COMMD6: variants seen among roughly 807,000 people sequenced by gnomAD.
COMMD6 encodes COMM domain-containing protein 6.
In COMMD6, 11 loss-of-function variants were observed where a neutral mutation model predicts 13.4. That is an observed-to-expected ratio of 0.82 (90% CI 0.52 to 1.36). The LOEUF (loss-of-function observed/expected upper bound fraction) is 1.36. Ranked by LOEUF, COMMD6 falls within the 40% of genes most tolerant of loss-of-function variation. The pLI is 0.00. For synonymous variants in COMMD6, 43 were observed against 36.5 expected (o/e 1.18, Z -0.64); for missense variants, 124 against 102.4 (o/e 1.21, Z -0.91).
At chr13:75,541,621 C>T (rs565427417), upstream of COMMD6, among the ~76,000 whole-genome samples, 11 of 151,746 alleles carry the variant, frequency 7.2e-5, no homozygotes, top group African/African-American at 1.9e-4. Context: ...GTTCATAAGG[C>T]GTAGAGTTGT....
intron 1 of COMMD6, 38 bp downstream of exon 1, chr13:75,537,726 A>T (rs367689969): frequency 6.2e-7 from 1 of 1,613,912 alleles, no homozygotes; most frequent in South Asian, 1.1e-5. Context: ...CTTGCTCCAG[A>T]GCCTCGCTGC....
chr13:75,542,145 T>C (rs559710396), upstream of COMMD6, among the ~76,000 whole-genome samples: 117 of 152,324 alleles, frequency 7.7e-4, no homozygotes, highest in African/African-American at 2.7e-3. Flanking sequence ...AAGTATTTTT[T>C]GTGTAAGGGT....
chr13:75,529,443 C>T (rs571210182), intron 3 of COMMD6, among the ~76,000 whole-genome samples: 2 of 149,426 alleles, frequency 1.3e-5, no homozygotes, highest in South Asian at 4.2e-4. Context: ...ATGGCGTGAA[C>T]CCAGGAGGCA....
chr13:75,531,876 A>G (rs2030490387), intron 2 of COMMD6, among the ~76,000 whole-genome samples: 1 of 152,228 alleles, frequency 6.6e-6, no homozygotes, highest in South Asian at 2.1e-4. Flanking sequence ...AACTTTTTGA[A>G]TATGTACACA....
intron 3 of COMMD6, among the ~76,000 whole-genome samples, chr13:75,526,999 C>T (rs7321787): frequency 0.77 from 116,968 of 152,126 alleles, 45,225 homozygotes; most frequent in African/African-American, 0.84. Context: ...AGTAAAGGAC[C>T]GCATTTCAGT....
upstream of COMMD6, among the ~76,000 whole-genome samples, chr13:75,540,866 T>G (rs1201946660): frequency 6.6e-6 from 1 of 152,204 alleles, no homozygotes; most frequent in Non-Finnish European, 1.5e-5. Context: ...TCTGATCTCA[T>G]GAGCATTATG....
At chr13:75,527,812 C>G in intron 3 of COMMD6, 1 of 1,502,896 alleles carries the variant, frequency 6.7e-7, no homozygotes, top group Non-Finnish European at 8.9e-7. Flanking sequence ...GTCAAACTCA[C>G]AGAAGCAGAA....
upstream of COMMD6, chr13:75,537,947 A>G: frequency 1.3e-6 from 1 of 780,556 alleles, no homozygotes; most frequent in Non-Finnish European, 2.0e-6. Context: ...TATGTGACTC[A>G]TATTTTTTCT....
rs548295744 is a variant in COMMD6 at position 75,548,479 on chromosome 13, A to G, written n.106+844T>C. On this transcript the variant is annotated intron_variant and non_coding_transcript_variant, in intron 1 of 2. Transcript: ENST00000460675. ...CTGAATTTCCTCTATTAGGTGCAGA[A>G]TAGTAATATGCACTCTTCCCCAGGT... Among the ~76,000 whole-genome samples the G allele has an allele frequency of 7.1e-4, 108 of 152,304 alleles. 1 individual carries two copies. The highest frequency in any genetic ancestry group is 5.4e-4 in the Non-Finnish European group (37 of 68,030).
chr13:75,533,055 C>T (rs560339004), intron 2 of COMMD6, among the ~76,000 whole-genome samples: 5 of 151,708 alleles, frequency 3.3e-5, no homozygotes, highest in East Asian at 4.0e-4. Context: ...CTCAGCCACC[C>T]GAGTAGCTGG....
chr13:75,542,784 C>T (rs181120357), upstream of COMMD6, among the ~76,000 whole-genome samples: 1 of 152,264 alleles, frequency 6.6e-6, no homozygotes, highest in East Asian at 1.9e-4. Context: ...GAGTCAGAGA[C>T]AGAGAGGGAG....
rs190542091 is a variant in COMMD6 at position 75,534,828 on chromosome 13, A to C, written c.54+2836T>G. On this transcript the variant is annotated intron_variant, in intron 2 of 3. Coordinates refer to ENST00000682242, the MANE Select transcript of COMMD6 (RefSeq NM_203495.4). ...CTAGTAATATAAAAACATGACTATA[A>C]AAACTGTCTATATAGATAAAACTGG... Among the ~76,000 whole-genome samples the C allele has an allele frequency of 3.7e-3, 562 of 152,362 alleles. 6 individuals carry two copies. The highest frequency in any genetic ancestry group is 0.013 in the African/African-American group (536 of 41,590).
chr13:75,544,575 C>G (rs2030873651), intron 1 of COMMD6, among the ~76,000 whole-genome samples: 1 of 151,954 alleles, frequency 6.6e-6, no homozygotes, highest in Non-Finnish European at 1.5e-5. Context: ...CCAACCTGGC[C>G]AACATGGTGA....
chr13:75,534,528 A>G (rs1296601437), intron 2 of COMMD6, among the ~76,000 whole-genome samples: 1 of 152,252 alleles, frequency 6.6e-6, no homozygotes, highest in Non-Finnish European at 1.5e-5. Context: ...TTTAAAAATA[A>G]AAGAATATAA....
chr13:75,537,072 T>C (rs904156424), intron 2 of COMMD6, among the ~76,000 whole-genome samples: 2 of 152,206 alleles, frequency 1.3e-5, no homozygotes, highest in African/African-American at 4.8e-5. Flanking sequence ...CTTTCTTACA[T>C]TTTGTATGGA....
chr13:75,539,042 C>T (rs962570582), upstream of COMMD6, among the ~76,000 whole-genome samples: 2 of 152,134 alleles, frequency 1.3e-5, no homozygotes, highest in Admixed American at 6.5e-5. Flanking sequence ...CTCCTTCCTC[C>T]ACCTTCAAAG....
chr13:75,543,634 T>G (rs2030858818), upstream of COMMD6, among the ~76,000 whole-genome samples: 1 of 152,220 alleles, frequency 6.6e-6, no homozygotes, highest in Non-Finnish European at 1.5e-5. Context: ...CTCAGCTGTG[T>G]GATATCATTC....
upstream of COMMD6, among the ~76,000 whole-genome samples, chr13:75,540,051 A>C (rs2030799782): frequency 6.7e-6 from 1 of 149,320 alleles, no homozygotes; most frequent in Non-Finnish European, 1.5e-5. Flanking sequence ...CCTCACTGCA[A>C]CCTCCAACTC....
chr13:75,528,226 A>AT (rs1003872168), intron 3 of COMMD6, among the ~76,000 whole-genome samples: 39 of 150,096 alleles, frequency 2.6e-4, no homozygotes, highest in South Asian at 1.7e-3. Flanking sequence ...TCCAATTGTG[A>AT]TTTTTTTTTT....
Sources: allele counts gnomAD v4.1 joint callset (sites outside exome capture counted in the v4.1 genomes callset), GRCh38; gene constraint gnomAD v4.1.1; transcripts MANE v1.5; gene names NCBI Gene and HGNC (gene_info 2026-07-23, HGNC 2026-07-21).